KLHDC4: variants seen among roughly 807,000 people sequenced by gnomAD.
The protein encoded by KLHDC4 is kelch domain-containing protein 4.
In KLHDC4, 90 loss-of-function variants were observed where a neutral mutation model predicts 62.4. The ratio of observed to expected loss-of-function variants is 1.44; its 90% CI spans 1.22 to 1.72. KLHDC4 has a LOEUF of 1.72. KLHDC4 is among the 40% of genes most tolerant of loss of function. The pLI is 0.00. For missense variants in KLHDC4, 1,025 were observed against 699.7 expected (o/e 1.47, Z -5.25); for synonymous variants, 386 against 284.4 (o/e 1.36, Z -3.59).
intron 2 of KLHDC4, among the ~76,000 whole-genome samples, chr16:87,757,865 C>G (rs984132702): frequency 6.6e-6 from 1 of 152,056 alleles, no homozygotes; most frequent in African/African-American, 2.4e-5. Flanking sequence ...GCACTCCATC[C>G]TGGGAGACAG....
At chr16:87,725,113 G>C (rs2039110314) in intron 7 of KLHDC4, among the ~76,000 whole-genome samples, 1 of 152,076 alleles carries the variant, frequency 6.6e-6, no homozygotes, top group Non-Finnish European at 1.5e-5. Flanking sequence ...TTTAGCAGAA[G>C]CTCCAGGACA....
In KLHDC4 at chr16:87,708,061, C is replaced by T; in HGVS notation, c.*16G>A. 1.8e-6 allele frequency: 1 copy of T among 553,814 alleles called. No individual in the cohort carries two copies. The highest frequency in any genetic ancestry group is 3.4e-6 in the Non-Finnish European group (1 of 290,402). 34.3% of individuals were successfully genotyped at this position (553,814 alleles called of 1,614,324 possible). On this transcript the variant is annotated 3_prime_UTR_variant, in exon 12 of 12. Transcript: ENST00000270583. ...TGGGCACAGCACTTGCCAGGCGCCC[C>T]TGGCAGGGGCTCTTCTGATACGCAA... is the stretch of plus-strand genomic sequence containing the variant.
chr16:87,711,435 C>A lies in KLHDC4; in HGVS notation c.844G>T (p.Val282Phe), dbSNP rs752763610. 3 of 1,609,348 alleles carry A rather than the reference C, an allele frequency of 1.9e-6. No homozygotes were observed. Among genetic ancestry groups the A allele is most frequent in the South Asian group, 2.2e-5 (2 of 91,014 alleles). Reference sequence around the variant, plus strand: ...CCCGAAGGGTTCATCCGAGTCCAAACCCACTTGTCTGTCAAAAGAGAACAA... The same window carrying A: ...CCCGAAGGGTTCATCCGAGTCCAAAACCACTTGTCTGTCAAAAGAGAACAA... Reference protein sequence around the residue: ...KPEDGREDKWVWTRMNPSGVK... With the variant: ...KPEDGREDKWFWTRMNPSGVK... The change falls in exon 9 of 12, where the codon GTT (valine) becomes TTT (phenylalanine). Residue 282 changes from valine (V) to phenylalanine (F), a missense_variant. Val to Phe is a conservative substitution (Grantham distance 50). Transcript: ENST00000270583.
chr16:87,706,964 G>A (rs977736650), downstream of KLHDC4, among the ~76,000 whole-genome samples: 7 of 152,168 alleles, frequency 4.6e-5, no homozygotes, highest in African/African-American at 1.7e-4. Context: ...TCCGCCAGGA[G>A]GGAAGTCTCC....
upstream of KLHDC4, chr16:87,702,604 T>G (rs966597623): frequency 4.1e-6 from 1 of 243,724 alleles, no homozygotes; most frequent in South Asian, 5.3e-5. Flanking sequence ...CATTTGCCAT[T>G]TCCACAGAAA....
chr16:87,706,641 G>A (rs1287110334), downstream of KLHDC4, among the ~76,000 whole-genome samples: 1 of 152,246 alleles, frequency 6.6e-6, no homozygotes, highest in Non-Finnish European at 1.5e-5. Context: ...CTGAAGTGAG[G>A]TCACACCGAT....
chr16:87,735,042 C>G lies in KLHDC4; in HGVS notation c.507-4398G>C, dbSNP rs1377525868. Among the ~76,000 whole-genome samples, 7 of 139,894 alleles carry G rather than the reference C, an allele frequency of 5.0e-5. No homozygotes were observed. The South Asian group carries it at 1.7e-3, about 33-fold the overall frequency. The allele number at this position is 139,894 out of a possible 152,430, so 91.8% of individuals were successfully genotyped here. On this transcript the variant is annotated intron_variant, in intron 5 of 11. Transcript: ENST00000270583. The stretch of plus-strand genomic sequence containing the variant: ...CGAATTGCCCGACGCCCCCTCCCCC[C>G]CAGACGAATTTCCTGATGGATTACT...
At chr16:87,741,799 C>T (rs2042280773) in intron 5 of KLHDC4, among the ~76,000 whole-genome samples, 1 of 152,216 alleles carries the variant, frequency 6.6e-6, no homozygotes, top group South Asian at 2.1e-4. Flanking sequence ...CTCCCTGCGC[C>T]TCTACCAATA....
intron 5 of KLHDC4, among the ~76,000 whole-genome samples, chr16:87,735,455 G>A (rs915795120): frequency 6.6e-6 from 1 of 152,152 alleles, no homozygotes; most frequent in Non-Finnish European, 1.5e-5. Context: ...TAGATGGGGC[G>A]CCCCCCGCTG....
rs115391359 is a variant in KLHDC4, at chr16:87,710,909, T to A, written c.1044+326A>T. ...GTCGGAAACCAGGGAAGCTCAAGGG[T>A]CATAACACAGGCTGGTCCACACCAG... On this transcript the variant is annotated intron_variant, in intron 9 of 11. Coordinates refer to ENST00000270583, the MANE Select transcript of KLHDC4 (RefSeq NM_017566.4). The A allele has an allele frequency of 2.2e-3, 654 of 294,062 alleles. 8 individuals are homozygous for A. The highest frequency in any genetic ancestry group is 0.014 in the African/African-American group (642 of 47,238). The allele number at this position is 294,062 out of a possible 1,614,324, so 18.2% of individuals were successfully genotyped here.
chr16:87,754,916 C>A (rs1023622874), intron 4 of KLHDC4, among the ~76,000 whole-genome samples: 12 of 152,260 alleles, frequency 7.9e-5, no homozygotes, highest in Non-Finnish European at 7.4e-5. Flanking sequence ...GGGGAGTGAG[C>A]ATTCTGCCAG....
downstream of KLHDC4, chr16:87,703,168 G>A (rs1469417167): frequency 6.6e-6 from 1 of 152,246 alleles, no homozygotes; most frequent in Non-Finnish European, 1.5e-5. Flanking sequence ...GGCTCTCCTG[G>A]TTTTCGAGCA....
At chr16:87,705,227 C>A (rs1008856612), downstream of KLHDC4, among the ~76,000 whole-genome samples, 3 of 152,252 alleles carry the variant, frequency 2.0e-5, no homozygotes, top group African/African-American at 7.2e-5. Context: ...GCTTTCGTGC[C>A]GGCCGCTCAC....
In KLHDC4 at chr16:87,765,809, G is replaced by C. The variant is rs1175570954; in HGVS notation, c.82C>G (p.Arg28Gly). 1 of 1,570,088 alleles carries C rather than the reference G, an allele frequency of 6.4e-7. No homozygotes were observed. The highest frequency in any genetic ancestry group is 2.3e-5 in the East Asian group (1 of 42,966). The part of the protein sequence containing the change: ...AAKMEKKVSK[R>G]SRKEEEDLEA... ...CCGCTCACCTCCTCCTTCCGCGAGC[G>C]CTTAGACACCTTCTTCTCCATCTTG... is the stretch of plus-strand genomic sequence containing the variant. The change falls in exon 1 of 12, where the codon CGC becomes GGC. Residue 28 changes from arginine to glycine, a missense_variant. Coordinates refer to ENST00000270583, the MANE Select transcript of KLHDC4 (RefSeq NM_017566.4).
chr16:87,760,770 C>G lies in KLHDC4; in HGVS notation c.191+1179G>C, dbSNP rs541520794. Among the ~76,000 whole-genome samples the G allele has an allele frequency of 3.3e-5, 5 of 152,288 alleles. No individual in the cohort carries two copies. In the South Asian group the frequency reaches 1.0e-3, roughly 32 times the overall value. ...ATTTACAGCCAGGCACAGCGACTCA[C>G]GCCTGTAATCCCAGCACTTTGGGAG... On this transcript the variant is annotated intron_variant, in intron 2 of 11. Transcript: ENST00000270583.
At chr16:87,761,048 A>G (rs1196920632) in intron 2 of KLHDC4, among the ~76,000 whole-genome samples, 1 of 152,224 alleles carries the variant, frequency 6.6e-6, no homozygotes, top group Non-Finnish European at 1.5e-5. Context: ...GAAAAAAAAA[A>G]GTACATTTAC....
chr16:87,748,582 G>A (rs985616641), intron 5 of KLHDC4, 91 bp downstream of exon 5: 1 of 1,502,788 alleles, frequency 6.7e-7, no homozygotes. Context: ...TCTGAACCCT[G>A]GTATTCTGAG....
chr16:87,731,460 G>T (rs930722387), intron 5 of KLHDC4, among the ~76,000 whole-genome samples: 4 of 151,922 alleles, frequency 2.6e-5, no homozygotes, highest in Non-Finnish European at 5.9e-5. Flanking sequence ...AGAAAAATGG[G>T]GGGAAAAAAG....
At position 87,748,863 on chromosome 16, in the gene KLHDC4, T is replaced by G. The variant is rs114276384; in HGVS notation, c.370-54A>C. 9.4e-4 allele frequency: 1,505 copies of G among 1,604,530 alleles called. 14 individuals carry two copies. In the African/African-American group the frequency reaches 0.017, roughly 18 times the overall value. Reference sequence around the variant, plus strand: ...CACAGCCACACAGCAGAAGGGCCAGTGTCATGGGTGACCGGTAGTGGTGAG... The same window carrying G: ...CACAGCCACACAGCAGAAGGGCCAGGGTCATGGGTGACCGGTAGTGGTGAG... On this transcript the variant is annotated intron_variant, in intron 4 of 11. Transcript: ENST00000270583.
Sources: gnomAD v4.1 joint callset for allele counts (sites outside exome capture counted in the v4.1 genomes callset) on GRCh38, gnomAD v4.1.1 for gene constraint, MANE v1.5 for transcripts, NCBI Gene and HGNC (gene_info 2026-07-23, HGNC 2026-07-21) for gene names.